Variants in KIF5C observed in about 807,000 individuals in gnomAD.
KIF5C encodes kinesin family member 5C.
KIF5C carries 18 observed loss-of-function variants against 125.2 expected under a neutral mutation model. The ratio of observed to expected loss-of-function variants is 0.14; its 90% CI spans 0.10 to 0.21. KIF5C has a LOEUF of 0.21. Ranked by LOEUF, KIF5C falls within the 10% of genes least tolerant of loss-of-function variation. The pLI is 1.00. For missense variants in KIF5C, 780 were observed against 1,183.8 expected (o/e 0.66, Z 5.01); for synonymous variants, 405 against 434.0 (o/e 0.93, Z 0.83).
intron 1 of KIF5C, among the ~76,000 whole-genome samples, chr2:148,892,525 G>A (rs1681738540): frequency 6.6e-6 from 1 of 152,182 alleles, no homozygotes; most frequent in South Asian, 2.1e-4. Flanking sequence ...GCTTGCCCTT[G>A]CATTCATCTC....
intron 25 of KIF5C, among the ~76,000 whole-genome samples, chr2:149,015,977 G>C (rs1682345221): frequency 6.6e-6 from 1 of 152,208 alleles, no homozygotes; most frequent in Admixed American, 6.5e-5. Flanking sequence ...TAATGGAATA[G>C]GAACACTGTT....
chr2:148,964,456 TA>T (rs1273288750), intron 11 of KIF5C, among the ~76,000 whole-genome samples: 5 of 151,992 alleles, frequency 3.3e-5, no homozygotes, highest in African/African-American at 1.2e-4. Flanking sequence ...TGCTGGAGAT[TA>T]AAGGGTGGGC....
At chr2:148,993,020 C>T (rs945051453) in intron 16 of KIF5C, among the ~76,000 whole-genome samples, 9 of 152,188 alleles carry the variant, frequency 5.9e-5, no homozygotes, top group African/African-American at 2.2e-4. Context: ...CTTTTGCACC[C>T]GGTGTGAACT....
At position 149,006,651 on chromosome 2, in the gene KIF5C, C is replaced by T. The variant is rs768493861; in HGVS notation, c.2445+1187C>T. On this transcript the variant is annotated intron_variant, in intron 22 of 25. Coordinates refer to ENST00000435030, the MANE Select transcript of KIF5C (RefSeq NM_004522.3). ...CTGACAGCATGGTTTAAGTGAGTTT[C>T]GAATCCTGGAAATGAAAATAAAGAA... Among the ~76,000 whole-genome samples, 11 of 152,114 alleles carry T rather than the reference C, an allele frequency of 7.2e-5. No individual in the cohort carries two copies. In the South Asian group the frequency reaches 1.0e-3, roughly 14 times the overall value.
intron 10 of KIF5C, among the ~76,000 whole-genome samples, chr2:148,951,794 T>G (rs1357147534): frequency 6.6e-6 from 1 of 151,902 alleles, no homozygotes; most frequent in Non-Finnish European, 1.5e-5. Flanking sequence ...TCCCTGGGAG[T>G]GTGTGTTGTG....
At chr2:148,950,806 CA>C (rs562335483) in intron 10 of KIF5C, among the ~76,000 whole-genome samples, 19,861 of 110,342 alleles carry the variant, frequency 0.18, 1,887 homozygotes, top group African/African-American at 0.34. Flanking sequence ...GAGACTGTCT[CA>C]AAAAAAAAAA....
intron 12 of KIF5C, 145 bp from the exon 13 acceptor site, chr2:148,978,777 G>A (rs1038654570): frequency 3.9e-5 from 45 of 1,152,190 alleles, no homozygotes; most frequent in Non-Finnish European, 4.4e-5. Context: ...ATGAGATCTC[G>A]GAATCTGTCT....
At chr2:148,953,335 C>G (rs946238638) in intron 10 of KIF5C, among the ~76,000 whole-genome samples, 1 of 152,192 alleles carries the variant, frequency 6.6e-6, no homozygotes, top group African/African-American at 2.4e-5. Flanking sequence ...GGGTTTGGAT[C>G]TGGTTTGCTT....
chr2:148,939,330 T>C (rs1452934304), intron 4 of KIF5C, among the ~76,000 whole-genome samples: 1 of 152,206 alleles, frequency 6.6e-6, no homozygotes, highest in Non-Finnish European at 1.5e-5. Flanking sequence ...TAGGATTCCT[T>C]TTGTTGGCTA....
At position 148,875,575 on chromosome 2, in the gene KIF5C, G is replaced by GGCCCCCCCCCCCCCCCCCCCCCCCCCCC; in HGVS notation, c.-43_-42insGCCCCCCCCCCCCCCCCCCCCCCCCCCC. ...TCCTCCCTCGTCGTTCCCGGCCCCG[G>GGCCCCCCCCCCCCCCCCCCCCCCCCCCC]CCCCCCACCCATCCCCGTGCCCCCT... On this transcript the variant is annotated 5_prime_UTR_variant, in exon 1 of 26. Transcript: ENST00000435030. The GGCCCCCCCCCCCCCCCCCCCCCCCCCCC allele has an allele frequency of 4.3e-6, 3 of 699,606 alleles. No individual in the cohort carries two copies. The highest frequency in any genetic ancestry group is 7.7e-6 in the Non-Finnish European group (3 of 389,230). 43.3% of individuals were successfully genotyped at this position (699,606 alleles called of 1,614,324 possible). A position where few individuals can be genotyped will look rare whatever the true frequency, so the allele number is the denominator to read the frequency against.
chr2:148,899,748 CT>C (rs1208544307), intron 1 of KIF5C, among the ~76,000 whole-genome samples: 2 of 148,528 alleles, frequency 1.3e-5, no homozygotes, highest in Non-Finnish European at 3.0e-5. Context: ...ATAATTACTA[CT>C]CCTCAGTTAC....
At position 149,007,242 on chromosome 2, in the gene KIF5C, T is replaced by C. The variant is rs60603435; in HGVS notation, c.2446-721T>C. 6.5e-3 allele frequency among the ~76,000 whole-genome samples: 984 copies of C among 152,278 alleles called. 17 individuals carry two copies. The highest frequency in any genetic ancestry group is 0.058 in the Middle Eastern group (17 of 292). On this transcript the variant is annotated intron_variant, in intron 22 of 25. Transcript: ENST00000435030. ...TTGAGATGCTCATGTAGCCATTACC[T>C]TTGAGAAAAAGGATGATGATCTCTT...
chr2:148,880,865 A>G (rs570504705), intron 1 of KIF5C, among the ~76,000 whole-genome samples: 2 of 152,072 alleles, frequency 1.3e-5, no homozygotes, highest in African/African-American at 2.4e-5. Context: ...TATTCACAGT[A>G]GGCACACAGT....
At chr2:149,021,896 A>C (rs892372464) in intron 25 of KIF5C, among the ~76,000 whole-genome samples, 3 of 152,170 alleles carry the variant, frequency 2.0e-5, no homozygotes, top group Admixed American at 1.3e-4. Flanking sequence ...GTAAGATCTC[A>C]GAGCTAGGGC....
intron 19 of KIF5C, 49 bp downstream of exon 19, chr2:148,998,558 C>A: frequency 6.5e-7 from 1 of 1,548,836 alleles, no homozygotes; most frequent in South Asian, 1.2e-5. Flanking sequence ...ATGCCTCGGT[C>A]CTCTTGGGGA....
chr2:148,929,186 G>A lies in KIF5C; in HGVS notation c.218-95G>A, dbSNP rs139447631. Reference sequence around the variant, plus strand: ...ATATCATTTGTATGAAAAATGAGATGGGCCATTTGGAAAATGTAATTTTAA... The same window carrying A: ...ATATCATTTGTATGAAAAATGAGATAGGCCATTTGGAAAATGTAATTTTAA... On this transcript the variant is annotated intron_variant, in intron 2 of 25. Transcript: ENST00000435030. 1,256 of 685,874 alleles carry A rather than the reference G, an allele frequency of 1.8e-3. 9 individuals are homozygous for A. In the African/African-American group the frequency reaches 0.02, roughly 11 times the overall value. The allele number at this position is 685,874 out of a possible 1,614,324, so 42.5% of individuals were successfully genotyped here.
intron 3 of KIF5C, among the ~76,000 whole-genome samples, chr2:148,936,512 G>C (rs199576781): frequency 6.6e-6 from 1 of 152,282 alleles, no homozygotes; most frequent in African/African-American, 2.4e-5. Flanking sequence ...AGATCCTAAG[G>C]CATCTTTTCT....
intron 1 of KIF5C, among the ~76,000 whole-genome samples, chr2:148,918,655 T>C (rs1054880212): frequency 3.9e-5 from 6 of 152,166 alleles, no homozygotes; most frequent in Admixed American, 2.6e-4. Flanking sequence ...GGAATAAGCA[T>C]CATACAGAGA....
intron 1 of KIF5C, among the ~76,000 whole-genome samples, chr2:148,891,683 A>G (rs1183216473): frequency 6.6e-6 from 1 of 152,030 alleles, no homozygotes; most frequent in Non-Finnish European, 1.5e-5. Context: ...CATTCATTTT[A>G]TTTTTATTTT....
Sources: gnomAD v4.1 joint callset for allele counts (sites outside exome capture counted in the v4.1 genomes callset) on GRCh38, gnomAD v4.1.1 for gene constraint, MANE v1.5 for transcripts, NCBI Gene and HGNC (gene_info 2026-07-23, HGNC 2026-07-21) for gene names.